The following GNAS variants were observed in gnomAD, a reference collection of about 807,000 sequenced individuals.
GNAS encodes the protein protein ALEX.
In GNAS, 8 loss-of-function variants were observed where a neutral mutation model predicts 54.5. The ratio of observed to expected loss-of-function variants is 0.15; its 90% confidence interval spans 0.09 to 0.26. GNAS has a LOEUF of 0.26. GNAS is among the 10% of genes least tolerant of loss of function. The pLI, the probability that GNAS is intolerant of heterozygous loss-of-function variation, is 1.00. For synonymous variants in GNAS, 204 were observed against 191.4 expected, an observed-to-expected ratio of 1.07 and a Z score of -0.54; for missense variants, 170 against 529.8, an observed-to-expected ratio of 0.32 and a Z score of 6.67.
upstream of GNAS, among the ~76,000 whole-genome samples, chr20:58,890,326 G>A (rs2089059637): frequency 1.3e-5 from 2 of 150,862 alleles, no homozygotes; most frequent in Non-Finnish European, 3.0e-5. Context: ...GCCGAGGAGG[G>A]CGCCGCCGCC....
rs945965027 is a variant in GNAS, at chr20:58,909,445, T to A, written c.659+22T>A. 1 of 1,609,022 alleles carries A rather than the reference T, an allele frequency of 6.2e-7. No homozygotes were observed. Among genetic ancestry groups the A allele is most frequent in the Non-Finnish European group, 8.5e-7 (1 of 1,175,410 alleles). The stretch of plus-strand genomic sequence containing the variant: ...TCCAGTAAGCCAACTGTTACCTTTT[T>A]ATATAACAGAGATCATGGTTTCTTG... On this transcript the variant is annotated intron_variant, in intron 8 of 12. Transcript: ENST00000371085. This position sits in a 1 kb window ranked among gnomAD's most constrained non-coding sequence, Gnocchi z 7.3.
chr20:58,902,984 C>T (rs1271341790), intron 3 of GNAS: 1 of 203,374 alleles, frequency 4.9e-6, no homozygotes, highest in African/African-American at 2.3e-5. Flanking sequence ...AGTCTGCCCG[C>T]CTCAGCCTCC....
chr20:58,893,239 C>T (rs1482018842), intron 1 of GNAS, among the ~76,000 whole-genome samples: 1 of 145,538 alleles, frequency 6.9e-6, no homozygotes, highest in African/African-American at 2.7e-5. Context: ...GCGATTTTTC[C>T]TCTGATTAAA....
chr20:58,888,779 C>G (rs1220502170), upstream of GNAS: 3 of 149,690 alleles, frequency 2.0e-5, no homozygotes, highest in East Asian at 4.1e-4. Flanking sequence ...CCTACCTCGG[C>G]GGGCGCGCGC....
chr20:58,886,037 G>A (rs1374645771), intron 1 of GNAS, among the ~76,000 whole-genome samples: 2 of 152,190 alleles, frequency 1.3e-5, no homozygotes, highest in Non-Finnish European at 2.9e-5. Context: ...CTGAGTGACA[G>A]CATTAAGCAG....
rs1467595919 is a variant in GNAS, at chr20:58,863,239, G to T, written c.43+22353G>T. Among the ~76,000 whole-genome samples the T allele has an allele frequency of 6.6e-6, 1 of 152,180 alleles. No individual in the cohort carries two copies. The highest frequency in any genetic ancestry group is 1.5e-5 in the Non-Finnish European group (1 of 68,038). ...GCTATGGGAAGAATGTTAGGCAACT[G>T]ATCTGTGACAGGGCAATGGAAATTA... On this transcript the variant is annotated intron_variant, in intron 1 of 12. Coordinates refer to the GNAS transcript ENST00000306090. This position sits in a 1 kb window ranked among gnomAD's most constrained non-coding sequence, Gnocchi z 4.1.
intron 2 of GNAS, chr20:58,898,665 T>G: frequency 1.8e-6 from 1 of 567,896 alleles, no homozygotes; most frequent in Non-Finnish European, 3.2e-6. Flanking sequence ...AGAAAACAAT[T>G]ATCCATCCCT....
intron 1 of GNAS, chr20:58,842,161 C>T (rs1236974636): frequency 1.0e-5 from 4 of 398,746 alleles, no homozygotes; most frequent in East Asian, 7.1e-5. Context: ...AGCACAAAAA[C>T]GGCAGCAATC....
chr20:58,854,898 C>T, intron 1 of GNAS: 1 of 1,594,276 alleles, frequency 6.3e-7, no homozygotes. Context: ...TACTCCGCGG[C>T]CTACTCGCGC....
chr20:58,892,152 C>CCCCTCTTT (rs2089471626), intron 1 of GNAS: 2 of 960,970 alleles, frequency 2.1e-6, no homozygotes, highest in Non-Finnish European at 2.5e-6. Context: ...TCTCGCTCTC[C>CCCCTCTTT]CCCTCTTTCT....
chr20:58,867,419 TC>T (rs1215241457), intron 1 of GNAS: 3 of 152,226 alleles, frequency 2.0e-5, no homozygotes, highest in Non-Finnish European at 4.4e-5. Context: ...CCTGATGGGA[TC>T]CAGTCATTCT....
At chr20:58,849,283 T>A (rs774437053) in intron 1 of GNAS, among the ~76,000 whole-genome samples, 1 of 152,202 alleles carries the variant, frequency 6.6e-6, no homozygotes, top group Non-Finnish European at 1.5e-5. Flanking sequence ...TGAGATGTGC[T>A]GAGTGGTTCT....
chr20:58,869,388 C>A lies in GNAS; in HGVS notation c.44-26224C>A, dbSNP rs374946808. The stretch of plus-strand genomic sequence containing the variant: ...ATAGGAAATCAAATGGTAGGGCCCT[C>A]TGTTGTCCTTTGGTAAATAATTAAT... On this transcript the variant is annotated intron_variant, in intron 1 of 12. Coordinates refer to the GNAS transcript ENST00000306090. Among the ~76,000 whole-genome samples, 21 of 152,342 alleles carry A rather than the reference C, an allele frequency of 1.4e-4. No homozygotes were observed. In the East Asian group the frequency reaches 3.7e-3, roughly 27 times the overall value.
intron 1 of GNAS, 85 bp downstream of exon 1, chr20:58,891,950 G>C (rs1454129322): frequency 1.2e-6 from 1 of 844,630 alleles, no homozygotes; most frequent in Admixed American, 6.5e-5. Context: ...CCCGCCCCCC[G>C]CCCCGGGCGC....
chr20:58,862,350 G>T (rs1163821222), intron 1 of GNAS, among the ~76,000 whole-genome samples: 2 of 151,526 alleles, frequency 1.3e-5, no homozygotes, highest in Non-Finnish European at 2.9e-5. Flanking sequence ...GTAGAGATGG[G>T]ATTTCACCAT....
rs2087628245 is a variant in GNAS at position 58,873,957 on chromosome 20, A to G, written c.44-21655A>G. On this transcript the variant is annotated intron_variant, in intron 1 of 12. Coordinates refer to the GNAS transcript ENST00000306090. The surrounding 1 kb of genome is among the most constrained non-coding windows in gnomAD (Gnocchi z 4.3). Reference sequence around the variant, plus strand: ...AGTTGAGCACACCAAATCAGAGGTTACCTAAAAGTGTCATGAGTGCTGATA... The same window carrying G: ...AGTTGAGCACACCAAATCAGAGGTTGCCTAAAAGTGTCATGAGTGCTGATA... 1.3e-5 allele frequency among the ~76,000 whole-genome samples: 2 copies of G among 152,262 alleles called. No homozygotes were observed. The highest frequency in any genetic ancestry group is 4.8e-5 in the African/African-American group (2 of 41,460).
upstream of GNAS, among the ~76,000 whole-genome samples, chr20:58,887,429 C>T (rs1022598626): frequency 6.6e-6 from 1 of 152,144 alleles, no homozygotes; most frequent in Non-Finnish European, 1.5e-5. Context: ...TGTCATCAAG[C>T]GGTTCTAATT....
rs1409040445 is a variant in GNAS at position 58,873,418 on chromosome 20, G to C, written c.44-22194G>C. Among the ~76,000 whole-genome samples, 1 of 152,152 alleles carries C rather than the reference G, an allele frequency of 6.6e-6. No homozygotes were observed. The highest frequency in any genetic ancestry group is 1.5e-5 in the Non-Finnish European group (1 of 68,030). On this transcript the variant is annotated intron_variant, in intron 1 of 12. Transcript: ENST00000306090. This position sits in a 1 kb window ranked among gnomAD's most constrained non-coding sequence, Gnocchi z 4.3. ...TTAATTTTTCAAATGTTTGACTATT[G>C]GCAGGTCTGAGGTTTACTCATCTGT...
At chr20:58,850,839 G>T in intron 1 of GNAS, 1 of 398,674 alleles carries the variant, frequency 2.5e-6, no homozygotes, top group Non-Finnish European at 4.4e-6. Flanking sequence ...CCATACACCC[G>T]CCCCCCACCG....
Sources: gnomAD v4.1 joint callset for allele counts (sites outside exome capture counted in the v4.1 genomes callset) on GRCh38, gnomAD v4.1.1 for gene constraint, Gnocchi (gnomAD v3.1) non-coding constraint, MANE v1.5 for transcripts, NCBI Gene and HGNC (gene_info 2026-07-23, HGNC 2026-07-21) for gene names.